GNA14: variants seen among roughly 807,000 people sequenced by gnomAD.
GNA14 encodes the protein G protein subunit alpha 14.
GNA14 carries 50 observed loss-of-function variants against 42.0 expected under a neutral mutation model. That is an observed-to-expected ratio of 1.19 (90% CI 0.95 to 1.51). The LOEUF is 1.51. Among genes scored for constraint, GNA14 ranks in the 40% most tolerant of loss-of-function variants. The pLI is 0.00. For missense variants in GNA14, 473 were observed against 446.2 expected (o/e 1.06, Z -0.54); for synonymous variants, 173 against 163.1 (o/e 1.06, Z -0.46).
chr9:77,523,065 A>G (rs1313641402), intron 2 of GNA14, among the ~76,000 whole-genome samples: 3 of 152,198 alleles, frequency 2.0e-5, no homozygotes, highest in Non-Finnish European at 4.4e-5. Context: ...TGCTTTCTGA[A>G]GACAAATCCA....
intron 1 of GNA14, among the ~76,000 whole-genome samples, chr9:77,630,365 G>A (rs530820220): frequency 1.7e-4 from 26 of 152,120 alleles, no homozygotes; most frequent in African/African-American, 4.6e-4. Context: ...CAATCCTCCC[G>A]TCCTGGCCTC....
At chr9:77,452,677 A>G in intron 2 of GNA14, among the ~76,000 whole-genome samples, 1 of 1,664 alleles carries the variant, frequency 6.0e-4, no homozygotes, top group Admixed American at 8.3e-3. Flanking sequence ...TGGTACATGT[A>G]CCCCTTAGGG....
intron 1 of GNA14, among the ~76,000 whole-genome samples, chr9:77,529,472 C>T (rs1363748312): frequency 6.6e-6 from 1 of 152,166 alleles, no homozygotes; most frequent in Non-Finnish European, 1.5e-5. Context: ...AAATGCTTCC[C>T]CACATCCTTG....
At position 77,647,330 on chromosome 9, in the gene GNA14, C is replaced by G. The variant is rs554599962; in HGVS notation, c.124+340G>C. 5.3e-5 allele frequency among the ~76,000 whole-genome samples: 8 copies of G among 152,312 alleles called. No individual in the cohort carries two copies. The East Asian group carries it at 1.5e-3, about 29-fold the overall frequency. On this transcript the variant is annotated intron_variant, in intron 1 of 6. Coordinates refer to ENST00000341700, the MANE Select transcript of GNA14 (RefSeq NM_004297.4). ...CCCAAGATGTGGGTCACCACAGACCCCAAGCTGGGTGTGCTGCGGGCGGAG... is the reference window on the plus strand; with the variant it reads ...CCCAAGATGTGGGTCACCACAGACCGCAAGCTGGGTGTGCTGCGGGCGGAG...
At chr9:77,469,137 T>C (rs1255263500) in intron 2 of GNA14, among the ~76,000 whole-genome samples, 7 of 152,090 alleles carry the variant, frequency 4.6e-5, no homozygotes, top group Admixed American at 1.3e-4. Flanking sequence ...TTTTATAATA[T>C]AGAGCTGCAT....
intron 2 of GNA14, among the ~76,000 whole-genome samples, chr9:77,460,228 G>A (rs1028720548): frequency 6.6e-6 from 1 of 152,214 alleles, no homozygotes; most frequent in South Asian, 2.1e-4. Context: ...CAAATCCAAT[G>A]AGAGTGCCTG....
intron 1 of GNA14, among the ~76,000 whole-genome samples, chr9:77,571,381 T>C (rs1823056467): frequency 6.6e-6 from 1 of 152,122 alleles, no homozygotes; most frequent in Non-Finnish European, 1.5e-5. Flanking sequence ...TAAGAGGGTC[T>C]TATTTGTAGT....
At chr9:77,535,132 TG>T (rs1837578207) in intron 1 of GNA14, among the ~76,000 whole-genome samples, 2 of 152,178 alleles carry the variant, frequency 1.3e-5, no homozygotes, top group African/African-American at 4.8e-5. Flanking sequence ...GCCAGGCCCT[TG>T]GGGGCACTCT....
Position 77,498,925 on chromosome 9 carries a change from G to T in GNA14, c.309+30144C>A, listed in dbSNP as rs74641647. On this transcript the variant is annotated intron_variant, in intron 2 of 6. Transcript: ENST00000341700. Reference sequence around the variant, plus strand: ...TCTATAAAGGTTCCTGGGCATAAAAGTATCCAGCTAAATCCACACACTGGT... The same window carrying T: ...TCTATAAAGGTTCCTGGGCATAAAATTATCCAGCTAAATCCACACACTGGT... Among the ~76,000 whole-genome samples the T allele has an allele frequency of 6.5e-3, 994 of 152,274 alleles. 12 individuals carry two copies. Among genetic ancestry groups the T allele is most frequent in the African/African-American group, 0.022 (911 of 41,550 alleles).
At chr9:77,569,384 C>A (rs1823025378) in intron 1 of GNA14, among the ~76,000 whole-genome samples, 1 of 152,150 alleles carries the variant, frequency 6.6e-6, no homozygotes, top group South Asian at 2.1e-4. Context: ...GAAAATACTG[C>A]TGGATGTGCT....
chr9:77,641,158 A>G, intron 1 of GNA14, among the ~76,000 whole-genome samples: 1 of 123,082 alleles, frequency 8.1e-6, no homozygotes, highest in African/African-American at 3.0e-5. Context: ...GGAAGGAAGG[A>G]AGGAAGGAAG....
In GNA14 at chr9:77,424,148, G is replaced by A. The variant is rs1451142317; in HGVS notation, c.899C>T (p.Ala300Val). 6.2e-7 allele frequency: 1 copy of A among 1,610,036 alleles called. No homozygotes were observed. The highest frequency in any genetic ancestry group is 8.5e-7 in the Non-Finnish European group (1 of 1,177,926). Residue 300 changes from alanine (A) to valine (V), a missense_variant, in exon 7 of 7, where the codon GCT becomes GTT. Coordinates refer to ENST00000341700, the MANE Select transcript of GNA14 (RefSeq NM_004297.4). The stretch of plus-strand genomic sequence containing the variant: ...AAGCTTCAGGATAAAGTCTCTGGCA[G>A]CTCTGACATCCTGTTTCGGTCCTAG... Reference protein sequence around the residue: ...EYTGPKQDVRAARDFILKLYQ... With the variant: ...EYTGPKQDVRVARDFILKLYQ...
At chr9:77,475,410 G>A (rs1836401071) in intron 2 of GNA14, among the ~76,000 whole-genome samples, 1 of 152,160 alleles carries the variant, frequency 6.6e-6, no homozygotes, top group African/African-American at 2.4e-5. Flanking sequence ...TGACATTAAA[G>A]CAAAATGACA....
chr9:77,513,284 T>A (rs867372401), intron 2 of GNA14, among the ~76,000 whole-genome samples: 2 of 152,362 alleles, frequency 1.3e-5, no homozygotes, highest in Middle Eastern at 3.4e-3. Context: ...AGTTAGCAGC[T>A]CTGCCTGGGA....
At chr9:77,520,497 T>C (rs768529607) in intron 2 of GNA14, among the ~76,000 whole-genome samples, 6 of 152,176 alleles carry the variant, frequency 3.9e-5, no homozygotes, top group Non-Finnish European at 8.8e-5. Flanking sequence ...ACAAAAGACG[T>C]GAATTATGAG....
intron 2 of GNA14, among the ~76,000 whole-genome samples, chr9:77,451,769 T>C (rs1835905363): frequency 1.3e-5 from 2 of 152,176 alleles, no homozygotes; most frequent in African/African-American, 2.4e-5. Context: ...GAACCCGAGA[T>C]TCTTTGTTGT....
chr9:77,489,796 G>A (rs761801156), intron 2 of GNA14, among the ~76,000 whole-genome samples: 3 of 152,164 alleles, frequency 2.0e-5, no homozygotes, highest in East Asian at 1.9e-4. Flanking sequence ...GCAGATCTTC[G>A]TGGTGAGTGT....
intron 1 of GNA14, among the ~76,000 whole-genome samples, chr9:77,594,413 G>C (rs941591465): frequency 1.3e-5 from 2 of 152,202 alleles, no homozygotes; most frequent in Admixed American, 6.5e-5. Context: ...AAGTTTCCAT[G>C]AACTATCTAC....
Position 77,479,141 on chromosome 9 carries a change from T to G in GNA14, c.310-44619A>C, listed in dbSNP as rs987650416. ...GTACTGCCTAGGTTTTCTTCTAGGG[T>G]TTTTATGGTTTTAGGTCTAACATTT... is the stretch of plus-strand genomic sequence containing the variant. On this transcript the variant is annotated intron_variant, in intron 2 of 6. Transcript: ENST00000341700. 3.9e-5 allele frequency among the ~76,000 whole-genome samples: 6 copies of G among 152,066 alleles called. No individual in the cohort carries two copies. The East Asian group carries it at 1.2e-3, about 29-fold the overall frequency.
Sources: gnomAD v4.1 joint callset for allele counts (sites outside exome capture counted in the v4.1 genomes callset) on GRCh38, gnomAD v4.1.1 for gene constraint, MANE v1.5 for transcripts, NCBI Gene and HGNC (gene_info 2026-07-23, HGNC 2026-07-21) for gene names.